BAG3: variants seen among roughly 807,000 people sequenced by gnomAD.
The protein encoded by BAG3 is BAG cochaperone 3, also known as BAG family molecular chaperone regulator 3.
Under a neutral mutation model 40.5 loss-of-function variants are expected in BAG3, and 14 were observed. That is an observed-to-expected ratio of 0.35 (90% confidence interval 0.23 to 0.54). BAG3 has a LOEUF of 0.54. Among genes scored for constraint, BAG3 ranks in the 20% least tolerant of loss-of-function variants. The pLI is 0.91. For missense variants in BAG3, 788 were observed against 758.6 expected, an observed-to-expected ratio of 1.04 and a Z score of -0.46; for synonymous variants, 302 against 307.8, an observed-to-expected ratio of 0.98 and a Z score of 0.20.
At chr10:119,656,849 C>T (rs1846920135) in intron 1 of BAG3, among the ~76,000 whole-genome samples, 1 of 151,966 alleles carries the variant, frequency 6.6e-6, no homozygotes, top group Non-Finnish European at 1.5e-5. Flanking sequence ...ATCTCTAAAT[C>T]CTCACCAGCT....
rs34656239 is a variant in BAG3 at position 119,676,990 on chromosome 10, C to T, written c.1436C>T (p.Ala479Val). The T allele has an allele frequency of 1.6e-4, 255 of 1,614,138 alleles. No homozygotes were observed. In the African/African-American group the frequency reaches 3.2e-3, roughly 20 times the overall value. ...GAGGGACGAGCCGATGTGCGTCAGG[C>T]CAGGAGAGACGGTGTCAGGAAGGTT... ...DPEGRADVRQ[A>V]RRDGVRKVQT... Residue 479 changes from alanine to valine, a missense_variant, in exon 4 of 4, where the codon GCC (alanine) becomes GTC (valine). Physicochemically the swap from Ala to Val is moderately conservative, Grantham distance 64 (BLOSUM62 0). Coordinates refer to ENST00000369085, the MANE Select transcript of BAG3 (RefSeq NM_004281.4).
chr10:119,659,695 G>A (rs1041945905), intron 1 of BAG3, among the ~76,000 whole-genome samples: 3 of 152,218 alleles, frequency 2.0e-5, no homozygotes, highest in African/African-American at 7.2e-5. Flanking sequence ...CACGTCCGCT[G>A]ATGTCCTGTA....
At position 119,676,961 on chromosome 10, in the gene BAG3, C is replaced by G. The variant is rs1381722756; in HGVS notation, c.1407C>G (p.Asp469Glu). Residue 469 changes from aspartate to glutamate, a missense_variant, in exon 4 of 4, where the codon GAC becomes GAG. By Grantham distance (45) the Asp-to-Glu change is conservative. Coordinates refer to ENST00000369085, the MANE Select transcript of BAG3 (RefSeq NM_004281.4). ...TKELLALDSV[D>E]PEGRADVRQA... ...AGCTGCTGGCCCTGGATTCAGTGGACCCCGAGGGACGAGCCGATGTGCGTC... is the reference window on the plus strand; with the variant it reads ...AGCTGCTGGCCCTGGATTCAGTGGAGCCCGAGGGACGAGCCGATGTGCGTC... 1.9e-6 allele frequency: 3 copies of G among 1,614,144 alleles called. No individual in the cohort carries two copies. Among genetic ancestry groups the G allele is most frequent in the Non-Finnish European group, 2.5e-6 (3 of 1,180,026 alleles).
intron 1 of BAG3, among the ~76,000 whole-genome samples, chr10:119,658,955 A>C (rs967826479): frequency 6.6e-6 from 1 of 152,192 alleles, no homozygotes; most frequent in Non-Finnish European, 1.5e-5. Flanking sequence ...TCCACACAGC[A>C]GACTGTCCTG....
chr10:119,665,767 G>GT (rs67527405), intron 1 of BAG3, among the ~76,000 whole-genome samples: 34,134 of 151,502 alleles, frequency 0.23, 4,012 homozygotes, highest in Non-Finnish European at 0.26. Context: ...TGAAATTCAT[G>GT]TTTTTTTTAT....
At chr10:119,661,228 C>T (rs1004595407) in intron 1 of BAG3, among the ~76,000 whole-genome samples, 2 of 152,108 alleles carry the variant, frequency 1.3e-5, no homozygotes, top group Non-Finnish European at 2.9e-5. Context: ...CCATTGCACT[C>T]TAGCCTGGGC....
chr10:119,677,000 C>G lies in BAG3; in HGVS notation c.1446C>G (p.Asp482Glu), dbSNP rs767539919. 1 of 1,614,158 alleles carries G rather than the reference C, an allele frequency of 6.2e-7. No individual in the cohort carries two copies. Among genetic ancestry groups the G allele is most frequent in the East Asian group, 2.2e-5 (1 of 44,892 alleles). The stretch of plus-strand genomic sequence containing the variant: ...CCGATGTGCGTCAGGCCAGGAGAGA[C>G]GGTGTCAGGAAGGTTCAGACCATCT... ...GRADVRQARR[D>E]GVRKVQTILE... is the part of the protein sequence containing the mutation. The change falls in exon 4 of 4, where the codon GAC becomes GAG. Residue 482 changes from aspartate to glutamate, a missense_variant. By Grantham distance (45) the Asp-to-Glu change is conservative (BLOSUM62 2). Transcript: ENST00000369085.
intron 1 of BAG3, 65 bp from the exon 2 acceptor site, chr10:119,669,786 C>T: frequency 6.7e-7 from 1 of 1,499,206 alleles, no homozygotes. Flanking sequence ...CACAGTGTTT[C>T]CTCTGCCAGG....
intron 1 of BAG3, among the ~76,000 whole-genome samples, chr10:119,657,884 G>T (rs1846934594): frequency 6.6e-6 from 1 of 152,162 alleles, no homozygotes; most frequent in Non-Finnish European, 1.5e-5. Flanking sequence ...TTTTCGTGTG[G>T]CTGGCAGCAA....
rs1444589719 is a variant in BAG3 at position 119,667,613 on chromosome 10, T to G, written c.181-2238T>G. 2.6e-5 allele frequency among the ~76,000 whole-genome samples: 4 copies of G among 152,286 alleles called. No homozygotes were observed. The East Asian group carries it at 5.8e-4, about 22-fold the overall frequency. On this transcript the variant is annotated intron_variant, in intron 1 of 3. Coordinates refer to ENST00000369085, the MANE Select transcript of BAG3 (RefSeq NM_004281.4). ...CAGGGCCTCCGTGCTTTCCAAGTAA[T>G]TCTGCTTCTTGTTTGTTTCCTGCCC...
At position 119,651,615 on chromosome 10, in the gene BAG3, G is replaced by A. The variant is rs1460507260; in HGVS notation, c.-61G>A. Reference sequence around the variant, plus strand: ...GGCCCACGGCGGCGGCCCGGCCAGAGACTCGGCGCCCGGAGCCAGCGCCCC... The same window carrying A: ...GGCCCACGGCGGCGGCCCGGCCAGAAACTCGGCGCCCGGAGCCAGCGCCCC... On this transcript the variant is annotated 5_prime_UTR_variant, in exon 1 of 4. Transcript: ENST00000369085. 1 of 1,413,036 alleles carries A rather than the reference G, an allele frequency of 7.1e-7. No homozygotes were observed. The highest frequency in any genetic ancestry group is 1.5e-5 in the African/African-American group (1 of 66,868). 87.5% of individuals were successfully genotyped at this position (1,413,036 alleles called of 1,614,324 possible). A position where few individuals can be genotyped will look rare whatever the true frequency, so the allele number is the denominator to read the frequency against.
In BAG3 at chr10:119,665,206, G is replaced by A. The variant is rs1256199019; in HGVS notation, c.181-4645G>A. 1.8e-4 allele frequency among the ~76,000 whole-genome samples: 25 copies of A among 139,440 alleles called. No homozygotes were observed. The East Asian group carries it at 4.4e-3, about 24-fold the overall frequency. 91.5% of individuals were successfully genotyped at this position (139,440 alleles called of 152,430 possible). A position where few individuals can be genotyped will look rare whatever the true frequency, so the allele number is the denominator to read the frequency against. On this transcript the variant is annotated intron_variant, in intron 1 of 3. Transcript: ENST00000369085. ...GGCTGGAGTGCAGTGGTGCGATCTC[G>A]GCTCACTGCAAGCTCCACCTCCCGG... is the stretch of plus-strand genomic sequence containing the variant.
At position 119,677,643 on chromosome 10, in the gene BAG3, T is replaced by C. The variant is rs1201574772; in HGVS notation, c.*361T>C. On this transcript the variant is annotated 3_prime_UTR_variant, in exon 4 of 4. Coordinates refer to ENST00000369085, the MANE Select transcript of BAG3 (RefSeq NM_004281.4). ...GAGTCAATTACCCATCACATAAATATGAAACATTTATCAGAAATGTTGCCA... is the reference window on the plus strand; with the variant it reads ...GAGTCAATTACCCATCACATAAATACGAAACATTTATCAGAAATGTTGCCA... 6.7e-6 allele frequency: 2 copies of C among 296,582 alleles called. No individual in the cohort carries two copies. Among genetic ancestry groups the C allele is most frequent in the South Asian group, 4.8e-5 (1 of 20,768 alleles). 18.4% of individuals were successfully genotyped at this position (296,582 alleles called of 1,614,324 possible). A position where few individuals can be genotyped will look rare whatever the true frequency, so the allele number is the denominator to read the frequency against.
rs1846837931 is a variant in BAG3 at position 119,651,515 on chromosome 10, T to C, written c.-161T>C. On this transcript the variant is annotated 5_prime_UTR_variant, in exon 1 of 4. Coordinates refer to ENST00000369085, the MANE Select transcript of BAG3 (RefSeq NM_004281.4). ...ATTTCCAGACACTTCCACCCCTCTC[T>C]GGCCACGTCACCCCCGCCTTTAATT... 1 of 577,300 alleles carries C rather than the reference T, an allele frequency of 1.7e-6. No homozygotes were observed. The highest frequency in any genetic ancestry group is 2.0e-5 in the African/African-American group (1 of 50,294). The allele number at this position is 577,300 out of a possible 1,614,324, so 35.8% of individuals were successfully genotyped here. A position where few individuals can be genotyped will look rare whatever the true frequency, so the allele number is the denominator to read the frequency against.
rs529736270 is a variant in BAG3, at chr10:119,665,246, C to T, written c.181-4605C>T. On this transcript the variant is annotated intron_variant, in intron 1 of 3. Coordinates refer to ENST00000369085, the MANE Select transcript of BAG3 (RefSeq NM_004281.4). ...CCACCTCCCGGGTTCACGCCATTCTCCTGCCTCAGCCTCCCGAGTAGCTGG... is the reference window on the plus strand; with the variant it reads ...CCACCTCCCGGGTTCACGCCATTCTTCTGCCTCAGCCTCCCGAGTAGCTGG... 1.2e-3 allele frequency among the ~76,000 whole-genome samples: 180 copies of T among 151,260 alleles called. 1 individual carries two copies. The highest frequency in any genetic ancestry group is 3.9e-3 in the African/African-American group (162 of 41,154).
At chr10:119,666,587 G>T in intron 1 of BAG3, among the ~76,000 whole-genome samples, 1 of 125,842 alleles carries the variant, frequency 7.9e-6, no homozygotes, top group South Asian at 2.5e-4. Context: ...CGAGATGCAC[G>T]AGGTGCTCAG....
Position 119,652,793 on chromosome 10 carries a change from C to G in BAG3, c.180+938C>G, listed in dbSNP as rs541144642. Among the ~76,000 whole-genome samples the G allele has an allele frequency of 2.0e-5, 3 of 152,220 alleles. No homozygotes were observed. In the East Asian group the frequency reaches 5.8e-4, roughly 29 times the overall value. ...GAAGTATGTCTCATTTACATACATGCAAGGATATATACTTCTTAATCCCCA... is the reference window on the plus strand; with the variant it reads ...GAAGTATGTCTCATTTACATACATGGAAGGATATATACTTCTTAATCCCCA... On this transcript the variant is annotated intron_variant, in intron 1 of 3. Coordinates refer to ENST00000369085, the MANE Select transcript of BAG3 (RefSeq NM_004281.4).
intron 1 of BAG3, among the ~76,000 whole-genome samples, chr10:119,665,249 G>A (rs543011680): frequency 4.0e-5 from 6 of 150,846 alleles, no homozygotes; most frequent in African/African-American, 1.2e-4. Context: ...CCATTCTCCT[G>A]CCTCAGCCTC....
intron 1 of BAG3, 43 bp from the exon 2 acceptor site, chr10:119,669,808 C>T: frequency 6.3e-7 from 1 of 1,585,628 alleles, no homozygotes. Flanking sequence ...GGGTTCACTT[C>T]CCAGTTTCTA....
Sources: gnomAD v4.1 joint callset for allele counts (sites outside exome capture counted in the v4.1 genomes callset) on GRCh38, gnomAD v4.1.1 for gene constraint, MANE v1.5 for transcripts, NCBI Gene and HGNC (gene_info 2026-07-23, HGNC 2026-07-21) for gene names.